The following AGBL1 variants were observed in gnomAD, a reference collection of about 807,000 sequenced individuals.
The protein encoded by AGBL1 is AGBL carboxypeptidase 1.
AGBL1 carries 130 observed loss-of-function variants against 118.9 expected under a neutral mutation model. The ratio of observed to expected loss-of-function variants is 1.09; its 90% CI spans 0.95 to 1.26. The LOEUF (loss-of-function observed/expected upper bound fraction) is 1.26. Among genes scored for constraint, AGBL1 ranks in the 50% most tolerant of loss-of-function variants. AGBL1 has a pLI of 0.00. For synonymous variants in AGBL1, 555 were observed against 478.9 expected (o/e 1.16, Z -2.08); for missense variants, 1,584 against 1,298.1 (o/e 1.22, Z -3.38).
intron 22 of AGBL1, among the ~76,000 whole-genome samples, chr15:86,847,706 C>T (rs890610820): frequency 1.3e-5 from 2 of 152,180 alleles, no homozygotes; most frequent in Admixed American, 6.5e-5. Context: ...TTTAAGCTGG[C>T]TCCAGATTTT....
chr15:86,210,146 ACT>A (rs1447005851), intron 5 of AGBL1, among the ~76,000 whole-genome samples: 1 of 151,908 alleles, frequency 6.6e-6, no homozygotes, highest in Non-Finnish European at 1.5e-5. Flanking sequence ...ATTGGCCTCC[ACT>A]CTCTTCTGGC....
At chr15:86,262,757 T>A in intron 9 of AGBL1, 21 bp from the exon 10 acceptor site, 1 of 1,516,718 alleles carries the variant, frequency 6.6e-7, no homozygotes. Flanking sequence ...TGTAATCTCT[T>A]CTATGACTAT....
Position 86,253,425 on chromosome 15 carries a change from A to T in AGBL1, c.736-3428A>T, listed in dbSNP as rs532340960. Reference sequence around the variant, plus strand: ...ACCACAATGCCTGGCTAATTTTTGTATTTTTAGTAGAGACGGGATTTCACC... The same window carrying T: ...ACCACAATGCCTGGCTAATTTTTGTTTTTTTAGTAGAGACGGGATTTCACC... On this transcript the variant is annotated intron_variant, in intron 7 of 22. Transcript: ENST00000614907. Among the ~76,000 whole-genome samples the T allele has an allele frequency of 1.8e-3, 279 of 152,040 alleles. 2 individuals carry two copies. Among genetic ancestry groups the T allele is most frequent in the African/African-American group, 6.4e-3 (267 of 41,456 alleles).
intron 22 of AGBL1, among the ~76,000 whole-genome samples, chr15:86,712,804 A>G (rs2086581468): frequency 6.6e-6 from 1 of 152,174 alleles, no homozygotes; most frequent in Non-Finnish European, 1.5e-5. Flanking sequence ...GGAACTAGAT[A>G]CTTGATTAGT....
At chr15:86,833,460 C>T (rs1362411573) in intron 22 of AGBL1, among the ~76,000 whole-genome samples, 1 of 152,076 alleles carries the variant, frequency 6.6e-6, no homozygotes, top group Admixed American at 6.5e-5. Context: ...TCAGGGGTTT[C>T]TGCTTTTGCT....
intron 5 of AGBL1, among the ~76,000 whole-genome samples, chr15:86,194,421 T>C (rs1194112270): frequency 1.3e-5 from 2 of 152,214 alleles, no homozygotes; most frequent in African/African-American, 2.4e-5. Flanking sequence ...GTCTGTTCTT[T>C]TGCTTTCCAC....
chr15:86,642,243 A>G (rs1356710721), intron 21 of AGBL1, among the ~76,000 whole-genome samples: 2 of 152,208 alleles, frequency 1.3e-5, no homozygotes, highest in African/African-American at 4.8e-5. Context: ...ATTTGGAACA[A>G]TAAAGAGATC....
chr15:86,462,566 C>G (rs1383921931), intron 18 of AGBL1, among the ~76,000 whole-genome samples: 2 of 152,134 alleles, frequency 1.3e-5, no homozygotes, highest in African/African-American at 4.8e-5. Context: ...GGTATTTCTC[C>G]TAATACTATC....
At chr15:86,610,628 G>A (rs551750722) in intron 21 of AGBL1, among the ~76,000 whole-genome samples, 16 of 152,210 alleles carry the variant, frequency 1.1e-4, no homozygotes, top group African/African-American at 2.2e-4. Context: ...ATTATTTCCC[G>A]CAAATCTATG....
At chr15:86,227,578 T>C (rs1481849265) in intron 6 of AGBL1, among the ~76,000 whole-genome samples, 2 of 152,218 alleles carry the variant, frequency 1.3e-5, no homozygotes, top group South Asian at 2.1e-4. Flanking sequence ...ATATCCCCCA[T>C]GGGGGGTGGA....
At chr15:86,116,245 A>G (rs1410801982) in intron 1 of AGBL1, among the ~76,000 whole-genome samples, 1 of 152,252 alleles carries the variant, frequency 6.6e-6, no homozygotes, top group African/African-American at 2.4e-5. Context: ...TGTAAGGCTC[A>G]GAAAGATTAA....
chr15:86,510,068 G>C (rs754278961), intron 18 of AGBL1, among the ~76,000 whole-genome samples: 13 of 151,736 alleles, frequency 8.6e-5, no homozygotes, highest in Non-Finnish European at 1.6e-4. Context: ...TTTTACCTAG[G>C]AAGGTATTGG....
intron 22 of AGBL1, among the ~76,000 whole-genome samples, chr15:86,719,386 A>C (rs2086683746): frequency 6.6e-6 from 1 of 152,206 alleles, no homozygotes. Flanking sequence ...ATGTGAGCTA[A>C]AGATGGGGTA....
intron 6 of AGBL1, 67 bp downstream of exon 6, chr15:86,225,018 T>G: frequency 1.4e-6 from 2 of 1,433,344 alleles, no homozygotes; most frequent in South Asian, 1.2e-5. Context: ...TACTTTCTGG[T>G]CCCCATGGCT....
intron 18 of AGBL1, among the ~76,000 whole-genome samples, chr15:86,515,766 A>G (rs948032345): frequency 1.1e-4 from 17 of 152,226 alleles, no homozygotes; most frequent in Non-Finnish European, 2.2e-4. Flanking sequence ...CTTCACAAAC[A>G]GTTGTTGGTC....
intron 21 of AGBL1, among the ~76,000 whole-genome samples, chr15:86,612,415 C>T (rs534654308): frequency 7.6e-4 from 98 of 128,232 alleles, no homozygotes; most frequent in Admixed American, 5.3e-4. Flanking sequence ...ACCTGAAGAA[C>T]TAGTTCAGGC....
intron 6 of AGBL1, among the ~76,000 whole-genome samples, chr15:86,246,259 G>T (rs2078719491): frequency 6.6e-6 from 1 of 152,220 alleles, no homozygotes; most frequent in Non-Finnish European, 1.5e-5. Flanking sequence ...GGTAAAGTTA[G>T]TTGGGGTGTG....
chr15:86,294,402 CAAAAAAAAAAAAA>C (rs35878636), intron 16 of AGBL1, among the ~76,000 whole-genome samples: 1 of 63,558 alleles, frequency 1.6e-5, no homozygotes, highest in African/African-American at 6.4e-5. Context: ...GACTTTGTCT[CAAAAAAAAAAAAA>C]AAAAAAAAAA....
chr15:86,474,819 AC>A (rs2082532263), intron 18 of AGBL1, among the ~76,000 whole-genome samples: 1 of 152,000 alleles, frequency 6.6e-6, no homozygotes, highest in South Asian at 2.1e-4. Context: ...ACTGGGAGGC[AC>A]CCCCCAGTAG....
Sources: gnomAD v4.1 joint callset for allele counts (sites outside exome capture counted in the v4.1 genomes callset) on GRCh38, gnomAD v4.1.1 for gene constraint, MANE v1.5 for transcripts, NCBI Gene and HGNC (gene_info 2026-07-23, HGNC 2026-07-21) for gene names.